WWTR1: variants seen among roughly 807,000 people sequenced by gnomAD.
WWTR1 encodes WW domain-containing transcription regulator protein 1.
In WWTR1, 13 loss-of-function variants were observed where a neutral mutation model predicts 40.1. That is an observed-to-expected ratio of 0.32 (90% CI 0.21 to 0.52). The LOEUF (loss-of-function observed/expected upper bound fraction) is 0.52. WWTR1 is among the 20% of genes least tolerant of loss of function. WWTR1 has a pLI of 0.97. For synonymous variants in WWTR1, 230 were observed against 210.1 expected (o/e 1.09, Z -0.82); for missense variants, 436 against 523.1 (o/e 0.83, Z 1.63).
At chr3:149,666,096 C>T (rs1250999585) in intron 2 of WWTR1, among the ~76,000 whole-genome samples, 2 of 152,268 alleles carry the variant, frequency 1.3e-5, no homozygotes, top group African/African-American at 4.8e-5. Context: ...CACTCAACTC[C>T]TCCCTTTACC....
At chr3:149,526,572 G>A (rs1436913615) in intron 5 of WWTR1, among the ~76,000 whole-genome samples, 1 of 152,104 alleles carries the variant, frequency 6.6e-6, no homozygotes, top group Non-Finnish European at 1.5e-5. Flanking sequence ...AGTGGTGGGG[G>A]GATGGCTTCA....
intron 2 of WWTR1, among the ~76,000 whole-genome samples, chr3:149,629,911 A>G (rs1319649000): frequency 3.3e-5 from 5 of 152,166 alleles, no homozygotes; most frequent in Admixed American, 6.5e-5. Flanking sequence ...CAGTGGAGCA[A>G]TCATGGCTCA....
At chr3:149,664,815 G>A (rs1713738211) in intron 2 of WWTR1, among the ~76,000 whole-genome samples, 2 of 152,160 alleles carry the variant, frequency 1.3e-5, no homozygotes, top group East Asian at 1.9e-4. Flanking sequence ...TCGAACTCCT[G>A]ATCTCAGGTG....
intron 3 of WWTR1, among the ~76,000 whole-genome samples, chr3:149,568,863 T>A (rs1156975135): frequency 6.6e-6 from 1 of 152,064 alleles, no homozygotes; most frequent in Admixed American, 6.6e-5. Flanking sequence ...GCCTCCCGGG[T>A]TCACGCCATT....
Position 149,520,574 on chromosome 3 carries a change from T to C in WWTR1, c.*231A>G, listed in dbSNP as rs1310594491. ...TGCAGACACAATTCTGTATAATCTGTCACAAGAACGCAGGCTTGCAGAAAA... is the reference window on the plus strand; with the variant it reads ...TGCAGACACAATTCTGTATAATCTGCCACAAGAACGCAGGCTTGCAGAAAA... On this transcript the variant is annotated 3_prime_UTR_variant, in exon 7 of 7. Transcript: ENST00000360632. The C allele has an allele frequency of 5.2e-6, 2 of 385,786 alleles. No homozygotes were observed. Among genetic ancestry groups the C allele is most frequent in the African/African-American group, 4.1e-5 (2 of 48,262 alleles). 23.9% of individuals were successfully genotyped at this position (385,786 alleles called of 1,614,324 possible).
At chr3:149,528,296 T>C (rs1735425310) in intron 4 of WWTR1, among the ~76,000 whole-genome samples, 2 of 152,232 alleles carry the variant, frequency 1.3e-5, no homozygotes, top group African/African-American at 2.4e-5. Flanking sequence ...CAAGGCTTTT[T>C]CTATCTCAGG....
chr3:149,694,342 C>T (rs553853650), intron 1 of WWTR1, among the ~76,000 whole-genome samples: 60 of 152,102 alleles, frequency 3.9e-4, no homozygotes, highest in African/African-American at 1.4e-3. Context: ...TGCAGTGAGC[C>T]GAGATCGCAT....
chr3:149,589,545 G>A (rs1028170741), intron 2 of WWTR1, among the ~76,000 whole-genome samples: 1 of 152,012 alleles, frequency 6.6e-6, no homozygotes. Context: ...GACTTGGAGA[G>A]GAACCCCGTG....
chr3:149,696,199 G>T (rs1714986077), intron 1 of WWTR1, among the ~76,000 whole-genome samples: 2 of 150,750 alleles, frequency 1.3e-5, no homozygotes, highest in South Asian at 4.2e-4. Flanking sequence ...TTTGGGCTTT[G>T]GACTCAAACA....
chr3:149,657,564 C>T, intron 1 of WWTR1: 1 of 501,292 alleles, frequency 2.0e-6, no homozygotes, highest in Non-Finnish European at 3.5e-6. Flanking sequence ...GAAGATAGGG[C>T]GAGGGGTGGA....
chr3:149,622,498 G>GAAAGAAAGAAAGAAAAGAAAGAAAGA (rs1560089724), intron 2 of WWTR1, among the ~76,000 whole-genome samples: 3 of 51,024 alleles, frequency 5.9e-5, no homozygotes, highest in Admixed American at 2.4e-4. Context: ...AGGAAGGAAG[G>GAAAGAAAGAAAGAAAAGAAAGAAAGA]AAGGAAGAAA....
At chr3:149,534,121 G>C (rs1246880631) in intron 4 of WWTR1, among the ~76,000 whole-genome samples, 1 of 152,058 alleles carries the variant, frequency 6.6e-6, no homozygotes, top group African/African-American at 2.4e-5. Context: ...AGTGAGCCAA[G>C]ATAGTGCCAC....
intron 3 of WWTR1, among the ~76,000 whole-genome samples, chr3:149,546,657 T>C (rs1191836579): frequency 6.6e-6 from 1 of 152,254 alleles, no homozygotes; most frequent in African/African-American, 2.4e-5. Flanking sequence ...ATTTATCATT[T>C]AATGTAAAAC....
chr3:149,651,830 T>C lies in WWTR1; in HGVS notation c.431+5046A>G, dbSNP rs901111777. 1.3e-4 allele frequency among the ~76,000 whole-genome samples: 6 copies of C among 45,758 alleles called. 1 individual carries two copies. Among genetic ancestry groups the C allele is most frequent in the African/African-American group, 4.0e-4 (6 of 15,140 alleles). 30.0% of individuals were successfully genotyped at this position (45,758 alleles called of 152,430 possible). On this transcript the variant is annotated intron_variant, in intron 2 of 6. Transcript: ENST00000360632. Reference sequence around the variant, plus strand: ...ATGTAAATGTTGCCTATGGATTTTCTTTTTTTTTTTTTTTTTTGAGATGGA... The same window carrying C: ...ATGTAAATGTTGCCTATGGATTTTCCTTTTTTTTTTTTTTTTTGAGATGGA...
intron 3 of WWTR1, among the ~76,000 whole-genome samples, chr3:149,570,573 A>AATAATC (rs1737568602): frequency 5.9e-5 from 2 of 33,730 alleles, no homozygotes; most frequent in South Asian, 2.5e-3. Context: ...TTCTCAAAAT[A>AATAATC]ATAATAATAA....
intron 2 of WWTR1, among the ~76,000 whole-genome samples, chr3:149,626,892 T>G (rs1470072497): frequency 6.6e-6 from 1 of 152,074 alleles, no homozygotes; most frequent in African/African-American, 2.4e-5. Flanking sequence ...AATACTTTAT[T>G]TATGCCCTGC....
chr3:149,698,248 T>C (rs1050430743), intron 1 of WWTR1, among the ~76,000 whole-genome samples: 2 of 152,200 alleles, frequency 1.3e-5, no homozygotes, highest in Non-Finnish European at 2.9e-5. Flanking sequence ...AATTGAATCA[T>C]GAGGGCAGTT....
intron 2 of WWTR1, among the ~76,000 whole-genome samples, chr3:149,581,134 C>T (rs975909193): frequency 6.6e-6 from 1 of 152,162 alleles, no homozygotes; most frequent in Admixed American, 6.6e-5. Flanking sequence ...TTCTACCACC[C>T]TAATTAATAA....
At chr3:149,599,687 C>T (rs1323495887) in intron 2 of WWTR1, among the ~76,000 whole-genome samples, 1 of 152,130 alleles carries the variant, frequency 6.6e-6, no homozygotes, top group African/African-American at 2.4e-5. Flanking sequence ...AAACTAAAAT[C>T]CTCAAGAGTA....
Sources: gnomAD v4.1 joint callset for allele counts (sites outside exome capture counted in the v4.1 genomes callset) on GRCh38, gnomAD v4.1.1 for gene constraint, MANE v1.5 for transcripts, NCBI Gene and HGNC (gene_info 2026-07-23, HGNC 2026-07-21) for gene names.